Variants in LRFN2 observed in about 807,000 individuals in gnomAD.
LRFN2 encodes leucine-rich repeat and fibronectin type-III domain-containing protein 2.
Under a neutral mutation model 37.3 loss-of-function variants are expected in LRFN2, and 18 were observed. The observed-to-expected ratio is 0.48, with a 90% CI of 0.33 to 0.72. LRFN2 has a LOEUF of 0.72. LRFN2 is among the 30% of genes least tolerant of loss of function. LRFN2 has a pLI of 0.02. For synonymous variants in LRFN2, 556 were observed against 466.6 expected, an observed-to-expected ratio of 1.19 and a Z score of -2.47; for missense variants, 1,006 against 1,060.7, an observed-to-expected ratio of 0.95 and a Z score of 0.72.
At chr6:40,465,061 G>A (rs966245388) in intron 1 of LRFN2, among the ~76,000 whole-genome samples, 1 of 152,080 alleles carries the variant, frequency 6.6e-6, no homozygotes, top group South Asian at 2.1e-4. Context: ...ATAATCAATA[G>A]GGTCCTTAAA....
Position 40,432,288 on chromosome 6 carries a change from A to G in LRFN2, c.826T>C (p.Phe276Leu). The G allele has an allele frequency of 6.2e-7, 1 of 1,614,120 alleles. No individual in the cohort carries two copies. Among genetic ancestry groups the G allele is most frequent in the Non-Finnish European group, 8.5e-7 (1 of 1,180,046 alleles). Residue 276 changes from phenylalanine (F) to leucine (L), a missense_variant, in exon 2 of 3, where the codon TTC becomes CTC. Physicochemically the swap from Phe to Leu is conservative, Grantham distance 22 (BLOSUM62 0). Around this residue, in one of 4 missense-constraint regions of LRFN2, gnomAD observed 303 missense variants for 299.8 expected, o/e 1.01. Coordinates refer to ENST00000338305, the MANE Select transcript of LRFN2 (RefSeq NM_020737.3). Reference sequence around the variant, plus strand: ...AACTCCTCCTCACGCACATGCCAGAAGTAGCGACCCTTGAGGCCCCCTGGG... The same window carrying G: ...AACTCCTCCTCACGCACATGCCAGAGGTAGCGACCCTTGAGGCCCCCTGGG... ...GSPGGLKGRYFWHVREEEFVC... is the reference protein window; with the variant it reads ...GSPGGLKGRYLWHVREEEFVC...
intron 1 of LRFN2, among the ~76,000 whole-genome samples, chr6:40,511,667 G>A (rs1765712142): frequency 1.3e-5 from 2 of 152,160 alleles, no homozygotes; most frequent in South Asian, 2.1e-4. Context: ...GAAGCATGTG[G>A]GCCAAACTAG....
At chr6:40,533,965 C>T (rs1239476012) in intron 1 of LRFN2, among the ~76,000 whole-genome samples, 1 of 152,234 alleles carries the variant, frequency 6.6e-6, no homozygotes, top group African/African-American at 2.4e-5. Flanking sequence ...AGGCATTGCT[C>T]CAAGTTCTTC....
In LRFN2 at chr6:40,414,750, G is replaced by A. The variant is rs1423017887; in HGVS notation, c.1400+16964C>T. On this transcript the variant is annotated intron_variant, in intron 2 of 2. Coordinates refer to ENST00000338305, the MANE Select transcript of LRFN2 (RefSeq NM_020737.3). ...AGTGAGAAGCTTGGCCCCCCCAGGC[G>A]GGGTCACTGTGACACCCAGAGGATG... Among the ~76,000 whole-genome samples, 9 of 152,274 alleles carry A rather than the reference G, an allele frequency of 5.9e-5. No homozygotes were observed. In the South Asian group the frequency reaches 6.2e-4, roughly 11 times the overall value.
At chr6:40,441,360 G>T (rs778499228) in intron 1 of LRFN2, among the ~76,000 whole-genome samples, 1 of 152,156 alleles carries the variant, frequency 6.6e-6, no homozygotes, top group South Asian at 2.1e-4. Context: ...AACAGTGGGC[G>T]TGTGTGACAG....
intron 1 of LRFN2, among the ~76,000 whole-genome samples, chr6:40,444,714 A>G (rs1374154151): frequency 6.6e-6 from 1 of 152,132 alleles, no homozygotes; most frequent in East Asian, 1.9e-4. Flanking sequence ...GGGGTCATCA[A>G]TTCAAGTTGA....
chr6:40,419,811 C>T (rs1379718067), intron 2 of LRFN2, among the ~76,000 whole-genome samples: 4 of 152,154 alleles, frequency 2.6e-5, no homozygotes, highest in Non-Finnish European at 5.9e-5. Context: ...GCTCTCATAG[C>T]CCCCCAGAAT....
intron 1 of LRFN2, among the ~76,000 whole-genome samples, chr6:40,540,056 G>A (rs73732703): frequency 0.02 from 3,003 of 152,164 alleles, 115 homozygotes; most frequent in African/African-American, 0.068. Context: ...CCCTGGCGCC[G>A]CACAGGCCAT....
chr6:40,447,019 C>T (rs28732985), intron 1 of LRFN2, among the ~76,000 whole-genome samples: 3 of 149,156 alleles, frequency 2.0e-5, no homozygotes, highest in South Asian at 2.2e-4. Flanking sequence ...ATTGGGGCTG[C>T]GTCTCCCCTC....
At chr6:40,583,889 G>T (rs975555386) in intron 1 of LRFN2, among the ~76,000 whole-genome samples, 1 of 152,008 alleles carries the variant, frequency 6.6e-6, no homozygotes, top group African/African-American at 2.4e-5. Context: ...GCGGCGGTTG[G>T]GGGGGTATTT....
intron 1 of LRFN2, among the ~76,000 whole-genome samples, chr6:40,503,403 G>C (rs1451075892): frequency 1.3e-5 from 2 of 152,186 alleles, no homozygotes; most frequent in Non-Finnish European, 2.9e-5. Flanking sequence ...AGTGCCCACA[G>C]TGACACTTAG....
At chr6:40,429,577 T>C (rs953161468) in intron 2 of LRFN2, among the ~76,000 whole-genome samples, 4 of 152,232 alleles carry the variant, frequency 2.6e-5, no homozygotes, top group African/African-American at 9.6e-5. Flanking sequence ...ATATTCAATA[T>C]TGGCAAAAGT....
Position 40,551,185 on chromosome 6 carries a change from GGACAAAGC to G in LRFN2, c.-19+35748_-19+35755del, listed in dbSNP as rs1766772586. ...TCAGTCCACTGGGGGTGACTCTTAG[GGACAAAGC>G]GCTTAGGGGCAGGGATTTACAGAAG... On this transcript the variant is annotated intron_variant, in intron 1 of 2. Transcript: ENST00000338305. 7.2e-5 allele frequency among the ~76,000 whole-genome samples: 11 copies of G among 152,266 alleles called. No homozygotes were observed. In the South Asian group the frequency reaches 2.3e-3, roughly 32 times the overall value.
In LRFN2 at chr6:40,440,449, T is replaced by C. The variant is rs76202795; in HGVS notation, c.-18-7318A>G. ...AGCAAATCCAGTACCTGGCACTGAG[T>C]AGGCACCTGGGATATGTTTGAGGAG... On this transcript the variant is annotated intron_variant, in intron 1 of 2. Coordinates refer to ENST00000338305, the MANE Select transcript of LRFN2 (RefSeq NM_020737.3). Among the ~76,000 whole-genome samples, 1,439 of 152,238 alleles carry C rather than the reference T, an allele frequency of 9.5e-3. 21 individuals carry two copies. The highest frequency in any genetic ancestry group is 0.031 in the African/African-American group (1,282 of 41,504).
intron 2 of LRFN2, among the ~76,000 whole-genome samples, chr6:40,426,781 C>T (rs1763363391): frequency 6.6e-6 from 1 of 152,162 alleles, no homozygotes; most frequent in Admixed American, 6.5e-5. Context: ...CTTCCAGAAC[C>T]TCATTCTCAT....
At chr6:40,480,493 G>T (rs1015548036) in intron 1 of LRFN2, among the ~76,000 whole-genome samples, 2 of 152,036 alleles carry the variant, frequency 1.3e-5, no homozygotes, top group East Asian at 1.9e-4. Context: ...GCCCAGGCTG[G>T]TCACGACCTC....
chr6:40,465,221 C>T (rs559601356), intron 1 of LRFN2, among the ~76,000 whole-genome samples: 11 of 152,182 alleles, frequency 7.2e-5, no homozygotes, highest in Admixed American at 4.6e-4. Context: ...ATATTCTACC[C>T]TAGAGCCCCC....
intron 2 of LRFN2, among the ~76,000 whole-genome samples, chr6:40,403,024 G>C (rs1017613330): frequency 5.9e-5 from 9 of 152,214 alleles, no homozygotes; most frequent in Non-Finnish European, 5.9e-5. Flanking sequence ...AGGGAGAGTA[G>C]TAGGAAATGA....
rs188530409 is a variant in LRFN2 at position 40,442,624 on chromosome 6, G to T, written c.-18-9493C>A. On this transcript the variant is annotated intron_variant, in intron 1 of 2. Coordinates refer to ENST00000338305, the MANE Select transcript of LRFN2 (RefSeq NM_020737.3). The stretch of plus-strand genomic sequence containing the variant: ...AGGGCTGGGTCTCCTCTCAGACTAG[G>T]GCTCCCTGAGGATGGGACTCTGTTT... Among the ~76,000 whole-genome samples, 14 of 152,238 alleles carry T rather than the reference G, an allele frequency of 9.2e-5. No individual in the cohort carries two copies. In the East Asian group the frequency reaches 2.7e-3, roughly 29 times the overall value.
Sources: allele counts gnomAD v4.1 joint callset (sites outside exome capture counted in the v4.1 genomes callset), GRCh38; gene constraint gnomAD v4.1.1; regional missense constraint gnomAD v4.1.1; transcripts MANE v1.5; gene names NCBI Gene and HGNC (gene_info 2026-07-23, HGNC 2026-07-21).